FRMD3: variants seen among roughly 807,000 people sequenced by gnomAD.
The protein encoded by FRMD3 is FERM domain containing 3.
FRMD3 carries 33 observed loss-of-function variants against 70.2 expected under a neutral mutation model. The observed-to-expected ratio is 0.47, with a 90% CI of 0.36 to 0.63. The LOEUF (loss-of-function observed/expected upper bound fraction) is 0.63, where lower values mean the gene tolerates loss of function less well. Ranked by LOEUF, FRMD3 falls within the 20% of genes least tolerant of loss-of-function variation. The probability of loss-of-function intolerance (pLI) is 0.00; values close to 1 mark genes in which losing one functional copy is unlikely to be tolerated. For synonymous variants in FRMD3, 279 were observed against 255.9 expected, an observed-to-expected ratio of 1.09 and a Z score of -0.86; for missense variants, 632 against 711.4, an observed-to-expected ratio of 0.89 and a Z score of 1.27.
At chr9:83,353,243 A>G (rs1291955036) in intron 3 of FRMD3, among the ~76,000 whole-genome samples, 1 of 128,460 alleles carries the variant, frequency 7.8e-6, no homozygotes, top group Non-Finnish European at 1.6e-5. Flanking sequence ...GAGAAGGTCA[A>G]TGTCTTCATC....
the FRMD3 span, among the ~76,000 whole-genome samples, chr9:83,554,964 A>G: frequency 6.6e-6 from 1 of 152,188 alleles, no homozygotes; most frequent in African/African-American, 2.4e-5. Flanking sequence ...GCAAAATGAC[A>G]AAGATAGCAG....
chr9:83,402,236 A>T (rs1825968798), intron 1 of FRMD3, among the ~76,000 whole-genome samples: 1 of 148,848 alleles, frequency 6.7e-6, no homozygotes, highest in Middle Eastern at 3.2e-3. Context: ...TGGAATTCTT[A>T]ACGCCCCAGG....
At chr9:83,295,153 C>T (rs148787397) in intron 12 of FRMD3, among the ~76,000 whole-genome samples, 2,854 of 152,236 alleles carry the variant, frequency 0.019, 40 homozygotes, top group Middle Eastern at 0.037. Flanking sequence ...TTGGGAACTA[C>T]AATTATATTC....
At chr9:83,441,066 T>C (rs549426369) in intron 1 of FRMD3, among the ~76,000 whole-genome samples, 1 of 152,252 alleles carries the variant, frequency 6.6e-6, no homozygotes, top group East Asian at 1.9e-4. Context: ...GCCTCCATCA[T>C]TCAGGGTCAC....
intron 3 of FRMD3, among the ~76,000 whole-genome samples, chr9:83,370,596 T>C (rs1407980570): frequency 6.6e-6 from 1 of 152,180 alleles, no homozygotes; most frequent in East Asian, 1.9e-4. Context: ...AATGCCAATC[T>C]TTACACCATT....
chr9:83,343,337 G>GCT, intron 4 of FRMD3, 50 bp from the exon 5 acceptor site: 1 of 1,276,370 alleles, frequency 7.8e-7, no homozygotes, highest in Non-Finnish European at 1.1e-6. Flanking sequence ...CTGAAGTCTG[G>GCT]AAGAAGTAGG....
chr9:83,512,657 G>A (rs1054535058), intron 1 of FRMD3, among the ~76,000 whole-genome samples: 1 of 152,120 alleles, frequency 6.6e-6, no homozygotes, highest in Non-Finnish European at 1.5e-5. Context: ...CAAATCTCCA[G>A]CCCTTCCCTT....
At chr9:83,523,337 A>C (rs570552949) in intron 1 of FRMD3, among the ~76,000 whole-genome samples, 2 of 152,230 alleles carry the variant, frequency 1.3e-5, no homozygotes, top group South Asian at 4.2e-4. Flanking sequence ...ATAGATAGAT[A>C]GATGGATGAA....
In FRMD3 at chr9:83,245,263, A is replaced by G. The variant is rs1006070752; in HGVS notation, c.*2655T>C. On this transcript the variant is annotated 3_prime_UTR_variant, in exon 14 of 14. Transcript: ENST00000304195. ...TACTCACACACTTGCTTTAAACTCT[A>G]TATCTCACTCTATAATATACTGTCC... is the stretch of plus-strand genomic sequence containing the variant. 43 of 985,198 alleles carry G rather than the reference A, an allele frequency of 4.4e-5. No homozygotes were observed. Among genetic ancestry groups the G allele is most frequent in the Admixed American group, 4.3e-4 (7 of 16,266 alleles). 61.0% of individuals were successfully genotyped at this position (985,198 alleles called of 1,614,324 possible).
chr9:83,474,307 G>A (rs1828342147), intron 1 of FRMD3, among the ~76,000 whole-genome samples: 1 of 152,134 alleles, frequency 6.6e-6, no homozygotes, highest in African/African-American at 2.4e-5. Context: ...TGAGCCTCCT[G>A]AGTTATTGTC....
the FRMD3 span, among the ~76,000 whole-genome samples, chr9:83,562,568 G>A: frequency 3.3e-5 from 5 of 152,214 alleles, no homozygotes; most frequent in African/African-American, 1.2e-4. Flanking sequence ...TTTCTCGGCC[G>A]GGCCACCTGG....
In FRMD3 at chr9:83,245,513, A is replaced by G; in HGVS notation, c.*2405T>C. The stretch of plus-strand genomic sequence containing the variant: ...CAACAATGAAGTTTCCACCTAAGAG[A>G]AAAGAGATGTTAGCTGGAAATGTTA... On this transcript the variant is annotated 3_prime_UTR_variant, in exon 14 of 14. Coordinates refer to ENST00000304195, the MANE Select transcript of FRMD3 (RefSeq NM_174938.6). The G allele has an allele frequency of 1.0e-6, 1 of 978,824 alleles. No individual in the cohort carries two copies. Among genetic ancestry groups the G allele is most frequent in the Non-Finnish European group, 1.2e-6 (1 of 823,962 alleles). The allele number at this position is 978,824 out of a possible 1,614,324, so 60.6% of individuals were successfully genotyped here.
chr9:83,564,633 G>A, the FRMD3 span, among the ~76,000 whole-genome samples: 4 of 152,254 alleles, frequency 2.6e-5, no homozygotes, highest in South Asian at 8.3e-4. Context: ...TTGTTGTGAT[G>A]TGGTCCATGT....
At chr9:83,257,724 AAATTT>A (rs1832783330) in intron 13 of FRMD3, among the ~76,000 whole-genome samples, 1 of 152,212 alleles carries the variant, frequency 6.6e-6, no homozygotes, top group African/African-American at 2.4e-5. Context: ...CTGCTTCACT[AAATTT>A]AATTTACTTC....
intron 2 of FRMD3, 80 bp downstream of exon 2, chr9:83,389,524 G>T: frequency 1.6e-5 from 14 of 892,256 alleles, no homozygotes. Context: ...GCATCACTAG[G>T]GCTTTGAGAG....
intron 13 of FRMD3, among the ~76,000 whole-genome samples, chr9:83,262,430 T>C (rs962984382): frequency 2.0e-5 from 3 of 152,202 alleles, no homozygotes; most frequent in Non-Finnish European, 1.5e-5. Flanking sequence ...GCCTCTCCAT[T>C]CTTATCACTT....
intron 12 of FRMD3, 97 bp from the exon 13 acceptor site, chr9:83,290,824 G>A: frequency 7.9e-7 from 1 of 1,259,836 alleles, no homozygotes; most frequent in Non-Finnish European, 1.1e-6. Flanking sequence ...TGTGTCTACA[G>A]GGAACTACCT....
chr9:83,503,752 A>T (rs1829122895), intron 1 of FRMD3, among the ~76,000 whole-genome samples: 2 of 152,212 alleles, frequency 1.3e-5, no homozygotes, highest in Non-Finnish European at 2.9e-5. Flanking sequence ...TTGGATCAGA[A>T]GGGCCAACAC....
chr9:83,483,267 C>T (rs1828610655), intron 1 of FRMD3, among the ~76,000 whole-genome samples: 1 of 152,124 alleles, frequency 6.6e-6, no homozygotes. Context: ...TATTTGCTTC[C>T]CCTTTGCCCT....
Sources: allele counts gnomAD v4.1 joint callset (sites outside exome capture counted in the v4.1 genomes callset), GRCh38; gene constraint gnomAD v4.1.1; transcripts MANE v1.5; gene names NCBI Gene and HGNC (gene_info 2026-07-23, HGNC 2026-07-21).